Variants in TEX36 observed in about 807,000 individuals in gnomAD.
TEX36 encodes testis expressed 36.
In TEX36, 12 loss-of-function variants were observed where a neutral mutation model predicts 13.6. The ratio of observed to expected loss-of-function variants is 0.88; its 90% CI spans 0.56 to 1.43. The LOEUF (loss-of-function observed/expected upper bound fraction) is 1.43. TEX36 is among the 40% of genes most tolerant of loss of function. The probability of loss-of-function intolerance (pLI) is 0.00; values close to 1 mark genes in which losing one functional copy is unlikely to be tolerated. For synonymous variants in TEX36, 93 were observed against 83.0 expected, an observed-to-expected ratio of 1.12 and a Z score of -0.65; for missense variants, 224 against 228.3, an observed-to-expected ratio of 0.98 and a Z score of 0.12.
At position 125,643,611 on chromosome 10, in the gene TEX36, G is replaced by A. The variant is rs561061905; in HGVS notation, c.264+17410C>T. 1.1e-4 allele frequency among the ~76,000 whole-genome samples: 17 copies of A among 152,056 alleles called. No individual in the cohort carries two copies. In the South Asian group the frequency reaches 2.7e-3, roughly 24 times the overall value. ...CAAAAAATTAGCCAGGCTTGGTGGC[G>A]GGTGCCTGTAATGCCAGCTACTTGG... is the stretch of plus-strand genomic sequence containing the variant. On this transcript the variant is annotated intron_variant, in intron 3 of 3. Coordinates refer to the TEX36 transcript ENST00000526819.
intron 2 of TEX36, 118 bp from the exon 3 acceptor site, chr10:125,661,219 A>G: frequency 1.3e-6 from 1 of 778,812 alleles, no homozygotes; most frequent in Non-Finnish European, 2.2e-6. Context: ...AAGAAAGACA[A>G]TGAAACCTGG....
intron 3 of TEX36, among the ~76,000 whole-genome samples, chr10:125,644,430 TA>T (rs201172742): frequency 5.3e-5 from 8 of 149,618 alleles, no homozygotes; most frequent in Non-Finnish European, 7.4e-5. Flanking sequence ...AAACTGAAAA[TA>T]AAAAAAAACA....
At chr10:125,651,752 C>T (rs1366698901), downstream of TEX36, among the ~76,000 whole-genome samples, 1 of 152,092 alleles carries the variant, frequency 6.6e-6, no homozygotes, top group Non-Finnish European at 1.5e-5. Flanking sequence ...AAAACCCCAT[C>T]ATCTCAGCCC....
At chr10:125,681,247 C>T (rs1847387677) in intron 1 of TEX36, among the ~76,000 whole-genome samples, 1 of 152,166 alleles carries the variant, frequency 6.6e-6, no homozygotes, top group Non-Finnish European at 1.5e-5. Flanking sequence ...CTGATGACTC[C>T]CTTGAGCAGC....
chr10:125,657,155 G>A (rs538268935), intron 3 of TEX36, among the ~76,000 whole-genome samples: 1 of 152,308 alleles, frequency 6.6e-6, no homozygotes, highest in East Asian at 1.9e-4. Flanking sequence ...TGGACATTAC[G>A]TTACATAGAT....
At chr10:125,632,078 G>A (rs1846563885) in intron 3 of TEX36, among the ~76,000 whole-genome samples, 1 of 152,136 alleles carries the variant, frequency 6.6e-6, no homozygotes, top group African/African-American at 2.4e-5. Context: ...AATGACGAAA[G>A]AGACTGTCCT....
chr10:125,596,625 T>C (rs1175102190), intron 3 of TEX36, among the ~76,000 whole-genome samples: 1 of 152,218 alleles, frequency 6.6e-6, no homozygotes, highest in Admixed American at 6.5e-5. Flanking sequence ...TTTTAAGCCA[T>C]TACATTTGTG....
chr10:125,657,502 A>C (rs1846968031), intron 3 of TEX36, among the ~76,000 whole-genome samples: 1 of 152,204 alleles, frequency 6.6e-6, no homozygotes, highest in African/African-American at 2.4e-5. Flanking sequence ...TTGAAAAACA[A>C]GTAAAAGAAA....
At chr10:125,619,671 C>G (rs1270090775), downstream of TEX36, among the ~76,000 whole-genome samples, 1 of 151,958 alleles carries the variant, frequency 6.6e-6, no homozygotes, top group Non-Finnish European at 1.5e-5. Context: ...ATTCTCCTGC[C>G]TCAGCCTCCC....
At chr10:125,635,781 TG>T (rs1181947843) in intron 3 of TEX36, among the ~76,000 whole-genome samples, 3 of 152,142 alleles carry the variant, frequency 2.0e-5, no homozygotes, top group Non-Finnish European at 4.4e-5. Context: ...TCTGGGATGG[TG>T]GGTTCCACCT....
At chr10:125,667,314 C>G (rs1281699281) in intron 1 of TEX36, 2 of 637,566 alleles carry the variant, frequency 3.1e-6, no homozygotes, top group African/African-American at 3.6e-5. Flanking sequence ...GCCTTGTAGA[C>G]AGCAGTCAGC....
intron 3 of TEX36, among the ~76,000 whole-genome samples, chr10:125,600,248 G>A (rs1341341047): frequency 3.9e-5 from 6 of 152,194 alleles, no homozygotes; most frequent in African/African-American, 1.4e-4. Flanking sequence ...GTTGGCTGCG[G>A]GGATGAATCA....
chr10:125,653,354 G>A (rs932692307), downstream of TEX36, among the ~76,000 whole-genome samples: 3 of 151,984 alleles, frequency 2.0e-5, no homozygotes, highest in Non-Finnish European at 2.9e-5. Context: ...GGATGAAGCC[G>A]GAAAACATCA....
chr10:125,610,253 C>G (rs767282749), intron 3 of TEX36, among the ~76,000 whole-genome samples: 2 of 152,156 alleles, frequency 1.3e-5, no homozygotes, highest in African/African-American at 4.8e-5. Flanking sequence ...GAGTAGCCAC[C>G]CTTTCATTCC....
At chr10:125,632,270 G>A (rs563955964) in intron 3 of TEX36, among the ~76,000 whole-genome samples, 1 of 152,240 alleles carries the variant, frequency 6.6e-6, no homozygotes, top group African/African-American at 2.4e-5. Flanking sequence ...GTGCTCGTGA[G>A]ACGTCCAGGG....
chr10:125,645,921 T>C (rs1290393405), intron 3 of TEX36, among the ~76,000 whole-genome samples: 1 of 152,170 alleles, frequency 6.6e-6, no homozygotes, highest in African/African-American at 2.4e-5. Context: ...TAAGCAGAAA[T>C]CATACAAATC....
Position 125,656,026 on chromosome 10 carries a change from T to C in TEX36, c.435A>G (p.Arg145=), listed in dbSNP as rs1846934908. ...AAGCGTTCCATATCTCTTTATAGCA[T>C]CGTGGAAAGCGTCTGAAGCTTGAGA... The part of the protein sequence containing the change: ...MVVSSFRRFP[R]CYKEIWNAFT... Residue 145 remains arginine, a synonymous_variant, in exon 4 of 4, where the codon CGA becomes CGG. Transcript: ENST00000368821. The C allele has an allele frequency of 1.9e-6, 3 of 1,551,852 alleles. No homozygotes were observed. In the South Asian group the frequency reaches 3.6e-5, roughly 18 times the overall value.
intron 1 of TEX36, among the ~76,000 whole-genome samples, chr10:125,663,194 G>C (rs996546696): frequency 2.0e-5 from 3 of 152,156 alleles, no homozygotes; most frequent in African/African-American, 7.2e-5. Flanking sequence ...ATACCTACCT[G>C]ATATGGTAGA....
chr10:125,665,423 T>C (rs1034859475), intron 1 of TEX36, among the ~76,000 whole-genome samples: 5 of 152,170 alleles, frequency 3.3e-5, no homozygotes, highest in African/African-American at 1.2e-4. Context: ...GATTTTTTTA[T>C]ATGGTGAGAT....
Sources: gnomAD v4.1 joint callset for allele counts (sites outside exome capture counted in the v4.1 genomes callset) on GRCh38, gnomAD v4.1.1 for gene constraint, MANE v1.5 for transcripts, NCBI Gene and HGNC (gene_info 2026-07-23, HGNC 2026-07-21) for gene names.